Variants in NPAS3 observed in about 807,000 individuals in gnomAD.
NPAS3 encodes the protein neuronal PAS domain protein 3.
A neutral mutation model predicts 73.1 loss-of-function variants in NPAS3; 14 were observed. The ratio of observed to expected loss-of-function variants is 0.19; its 90% CI spans 0.13 to 0.30. NPAS3 has a LOEUF of 0.30. Ranked by LOEUF, NPAS3 falls within the 10% of genes least tolerant of loss-of-function variation. NPAS3 has a pLI of 1.00. For synonymous variants in NPAS3, 620 were observed against 541.5 expected, an observed-to-expected ratio of 1.14 and a Z score of -2.01; for missense variants, 1,096 against 1,250.0, an observed-to-expected ratio of 0.88 and a Z score of 1.86.
intron 3 of NPAS3, among the ~76,000 whole-genome samples, chr14:33,289,053 G>C (rs941552235): frequency 6.6e-6 from 1 of 152,170 alleles, no homozygotes; most frequent in African/African-American, 2.4e-5. Context: ...CACTTACGGA[G>C]AGAAATAGTG....
intron 4 of NPAS3, among the ~76,000 whole-genome samples, chr14:33,486,554 C>T (rs2051609551): frequency 6.6e-6 from 1 of 152,174 alleles, no homozygotes; most frequent in Non-Finnish European, 1.5e-5. Context: ...TTAGCTATAA[C>T]CCCTGTTATA....
intron 3 of NPAS3, among the ~76,000 whole-genome samples, chr14:33,360,163 G>A (rs1165712300): frequency 6.6e-6 from 1 of 152,202 alleles, no homozygotes; most frequent in African/African-American, 2.4e-5. Context: ...CTCAGCCTGA[G>A]ACTCAGTACA....
intron 10 of NPAS3, among the ~76,000 whole-genome samples, chr14:33,797,247 C>T (rs146237559): frequency 5.3e-5 from 8 of 152,226 alleles, no homozygotes; most frequent in African/African-American, 1.7e-4. Context: ...TTTGGGTATT[C>T]GATCATTGCA....
rs780493634 is a variant in NPAS3, at chr14:33,367,302, T to G, written c.468+34T>G. On this transcript the variant is annotated intron_variant, in intron 4 of 11. Coordinates refer to ENST00000356141, the Ensembl canonical transcript of NPAS3. ...AAAACAAAAAGAAGCTTTCTTATAT[T>G]TTACTAAGAAAAAACCATATGTTTA... 5 of 818,466 alleles carry G rather than the reference T, an allele frequency of 6.1e-6. No individual in the cohort carries two copies. The African/African-American group carries it at 6.9e-5, about 11-fold the overall frequency. The allele number at this position is 818,466 out of a possible 1,614,324, so 50.7% of individuals were successfully genotyped here. A position where few individuals can be genotyped will look rare whatever the true frequency, so the allele number is the denominator to read the frequency against.
intron 1 of NPAS3, among the ~76,000 whole-genome samples, chr14:33,017,917 T>C (rs2039453087): frequency 6.6e-6 from 1 of 152,188 alleles, no homozygotes. Flanking sequence ...TTCATAACAT[T>C]TGTACTTTTA....
chr14:33,284,135 T>A (rs1400602787), intron 3 of NPAS3, among the ~76,000 whole-genome samples: 3 of 152,144 alleles, frequency 2.0e-5, no homozygotes, highest in Non-Finnish European at 4.4e-5. Context: ...GTATTAAAAA[T>A]AAAACAATTC....
At chr14:33,444,211 T>C (rs1434026869) in intron 4 of NPAS3, among the ~76,000 whole-genome samples, 1 of 152,206 alleles carries the variant, frequency 6.6e-6, no homozygotes, top group Non-Finnish European at 1.5e-5. Flanking sequence ...ATACCCAGCC[T>C]TTTCTTTCTT....
intron 2 of NPAS3, among the ~76,000 whole-genome samples, chr14:33,064,458 G>A (rs1172102253): frequency 6.6e-6 from 1 of 152,026 alleles, no homozygotes; most frequent in Non-Finnish European, 1.5e-5. Flanking sequence ...TCTGTAAATG[G>A]CCTTGGATTT....
At chr14:33,437,156 G>A (rs1566902152) in intron 4 of NPAS3, among the ~76,000 whole-genome samples, 1 of 152,120 alleles carries the variant, frequency 6.6e-6, no homozygotes, top group Non-Finnish European at 1.5e-5. Context: ...TGTTGTTGTT[G>A]TTATTTTATT....
chr14:33,272,898 A>G (rs551230158), intron 3 of NPAS3, among the ~76,000 whole-genome samples: 1 of 152,334 alleles, frequency 6.6e-6, no homozygotes, highest in South Asian at 2.1e-4. Flanking sequence ...TTACAATTTT[A>G]CAAAGCAGAA....
intron 2 of NPAS3, among the ~76,000 whole-genome samples, chr14:33,132,301 C>T (rs185950583): frequency 6.6e-6 from 1 of 152,226 alleles, no homozygotes; most frequent in East Asian, 1.9e-4. Flanking sequence ...GCTTGGGCTT[C>T]TGAGTGCTGA....
At chr14:33,354,357 A>T (rs1029832091) in intron 3 of NPAS3, among the ~76,000 whole-genome samples, 1 of 152,102 alleles carries the variant, frequency 6.6e-6, no homozygotes, top group African/African-American at 2.4e-5. Flanking sequence ...CAGAGTCCAT[A>T]GTCTCTCCTT....
chr14:33,638,550 G>C (rs749682277), intron 5 of NPAS3, among the ~76,000 whole-genome samples: 7 of 152,200 alleles, frequency 4.6e-5, no homozygotes, highest in Non-Finnish European at 1.0e-4. Flanking sequence ...TATACATTTT[G>C]ACTGTCTAGT....
chr14:33,128,863 A>C (rs1355444315), intron 2 of NPAS3, among the ~76,000 whole-genome samples: 6 of 152,184 alleles, frequency 3.9e-5, no homozygotes, highest in Non-Finnish European at 5.9e-5. Context: ...TCTTAGACAA[A>C]GTATCGTATC....
chr14:33,491,663 T>C (rs2051907250), intron 4 of NPAS3, among the ~76,000 whole-genome samples: 1 of 152,192 alleles, frequency 6.6e-6, no homozygotes, highest in Non-Finnish European at 1.5e-5. Context: ...TTGGTTCACC[T>C]TCAGAGGATA....
At chr14:33,229,603 C>A (rs925813542) in intron 3 of NPAS3, among the ~76,000 whole-genome samples, 1 of 152,170 alleles carries the variant, frequency 6.6e-6, no homozygotes, top group Non-Finnish European at 1.5e-5. Context: ...AGGGAGGGAA[C>A]AATTTTGCTT....
At chr14:33,617,589 G>A (rs10149043) in intron 5 of NPAS3, among the ~76,000 whole-genome samples, 6,902 of 152,186 alleles carry the variant, frequency 0.045, 334 homozygotes, top group African/African-American at 0.12. Flanking sequence ...TATGCCCATC[G>A]GAAGTAATGT....
At chr14:33,170,031 T>C (rs900869678) in intron 2 of NPAS3, among the ~76,000 whole-genome samples, 1 of 152,174 alleles carries the variant, frequency 6.6e-6, no homozygotes, top group African/African-American at 2.4e-5. Context: ...TCATGCTTTA[T>C]GGAATCTTTG....
At chr14:33,013,695 A>G (rs1366279558) in intron 1 of NPAS3, among the ~76,000 whole-genome samples, 1 of 152,212 alleles carries the variant, frequency 6.6e-6, no homozygotes, top group East Asian at 1.9e-4. Context: ...AACATTTTCT[A>G]TAGTTGCACA....
Sources: gnomAD v4.1 joint callset for allele counts (sites outside exome capture counted in the v4.1 genomes callset) on GRCh38, gnomAD v4.1.1 for gene constraint, MANE v1.5 for transcripts, NCBI Gene and HGNC (gene_info 2026-07-23, HGNC 2026-07-21) for gene names.